The following NRP1 variants were observed in gnomAD, a reference collection of about 807,000 sequenced individuals.
The protein encoded by NRP1 is neuropilin-1.
Under a neutral mutation model 106.7 loss-of-function variants are expected in NRP1, and 35 were observed. The ratio of observed to expected loss-of-function variants is 0.33; its 90% CI spans 0.25 to 0.43. The LOEUF (loss-of-function observed/expected upper bound fraction) is 0.43, where lower values mean the gene tolerates loss of function less well. NRP1 is among the 20% of genes least tolerant of loss of function. NRP1 has a pLI of 1.00. For synonymous variants in NRP1, 437 were observed against 417.9 expected, an observed-to-expected ratio of 1.05 and a Z score of -0.56; for missense variants, 1,024 against 1,170.4, an observed-to-expected ratio of 0.87 and a Z score of 1.83.
intron 1 of NRP1, among the ~76,000 whole-genome samples, chr10:33,334,032 C>G (rs1848456328): frequency 6.6e-6 from 1 of 152,196 alleles, no homozygotes; most frequent in African/African-American, 2.4e-5. Context: ...AATTGGCATG[C>G]TGATCTGGGA....
intron 2 of NRP1, among the ~76,000 whole-genome samples, chr10:33,325,128 T>C (rs1847796833): frequency 6.6e-6 from 1 of 152,212 alleles, no homozygotes; most frequent in Admixed American, 6.5e-5. Context: ...TTGCAAAATT[T>C]TATCAAATCT....
chr10:33,190,041 T>C lies in NRP1; in HGVS notation c.2062+2240A>G, dbSNP rs140164476. 2.1e-3 allele frequency among the ~76,000 whole-genome samples: 319 copies of C among 152,358 alleles called. 3 individuals carry two copies. The highest frequency in any genetic ancestry group is 2.8e-3 in the Non-Finnish European group (191 of 68,032). On this transcript the variant is annotated intron_variant, in intron 13 of 16. Transcript: ENST00000374867. ...AGAGAACAAAAGAGTCAAACCCTTCTGAAGGAATCGCACTTCTCAGCTGTT... is the reference window on the plus strand; with the variant it reads ...AGAGAACAAAAGAGTCAAACCCTTCCGAAGGAATCGCACTTCTCAGCTGTT...
At chr10:33,189,459 C>A (rs1374025259) in intron 13 of NRP1, among the ~76,000 whole-genome samples, 1 of 152,238 alleles carries the variant, frequency 6.6e-6, no homozygotes, top group African/African-American at 2.4e-5. Context: ...GAAGCCCTCA[C>A]TGAACTGCAC....
chr10:33,260,534 T>C (rs1842500846), intron 4 of NRP1, among the ~76,000 whole-genome samples: 1 of 152,212 alleles, frequency 6.6e-6, no homozygotes, highest in Non-Finnish European at 1.5e-5. Context: ...AGCACCGATG[T>C]GACGTGAGCT....
At position 33,226,292 on chromosome 10, in the gene NRP1, G is replaced by A. The variant is rs989608879; in HGVS notation, c.982-3C>T. On this transcript the variant is annotated splice_region_variant and splice_polypyrimidine_tract_variant and intron_variant, in intron 6 of 16. Coordinates refer to ENST00000374867, the MANE Select transcript of NRP1 (RefSeq NM_003873.7). ...AAGCGCAGAAGGCCCAAGTCTACCT[G>A]CAAGACAAGTACAAGCGTGGTCAGT... 4 of 1,613,914 alleles carry A rather than the reference G, an allele frequency of 2.5e-6. No homozygotes were observed. In the African/African-American group the frequency reaches 5.3e-5, roughly 22 times the overall value.
At position 33,236,084 on chromosome 10, in the gene NRP1, T is replaced by C. The variant is rs116815821; in HGVS notation, c.982-9795A>G. Among the ~76,000 whole-genome samples the C allele has an allele frequency of 1.0e-3, 156 of 152,336 alleles. 1 individual carries two copies. The highest frequency in any genetic ancestry group is 3.6e-3 in the African/African-American group (149 of 41,580). On this transcript the variant is annotated intron_variant, in intron 6 of 16. Transcript: ENST00000374867. ...TTAATTAACATTTTTTGAATGCTTATTTGTAAGTTACATTTAATTTAAAAC... is the reference window on the plus strand; with the variant it reads ...TTAATTAACATTTTTTGAATGCTTACTTGTAAGTTACATTTAATTTAAAAC...
At chr10:33,188,133 T>C (rs1302984364) in intron 13 of NRP1, among the ~76,000 whole-genome samples, 1 of 152,136 alleles carries the variant, frequency 6.6e-6, no homozygotes, top group Non-Finnish European at 1.5e-5. Context: ...GCCATTTCAC[T>C]GTGATGAATC....
chr10:33,200,252 C>T (rs1031153937), intron 11 of NRP1, among the ~76,000 whole-genome samples: 8 of 152,312 alleles, frequency 5.3e-5, no homozygotes, highest in Middle Eastern at 3.4e-3. Flanking sequence ...GTTGGGTACA[C>T]ACAGCTCCAA....
intron 2 of NRP1, among the ~76,000 whole-genome samples, chr10:33,280,613 G>A (rs573131865): frequency 1.3e-5 from 2 of 152,262 alleles, no homozygotes; most frequent in South Asian, 2.1e-4. Flanking sequence ...GATAAAGGAG[G>A]CATTTTGTAC....
rs927267066 is a variant in NRP1 at position 33,222,000 on chromosome 10, G to A, written c.1138-137C>T. 50 of 861,484 alleles carry A rather than the reference G, an allele frequency of 5.8e-5. No individual in the cohort carries two copies. The East Asian group carries it at 9.4e-4, about 16-fold the overall frequency. 53.4% of individuals were successfully genotyped at this position (861,484 alleles called of 1,614,324 possible). A position where few individuals can be genotyped will look rare whatever the true frequency, so the allele number is the denominator to read the frequency against. Reference sequence around the variant, plus strand: ...AAGGATGAGATGGCGTTAATAACTCGCCATGTTAATTTTTTCAATTAGCAA... The same window carrying A: ...AAGGATGAGATGGCGTTAATAACTCACCATGTTAATTTTTTCAATTAGCAA... On this transcript the variant is annotated intron_variant, in intron 7 of 16. Transcript: ENST00000374867.
chr10:33,202,435 C>T (rs569695952), intron 11 of NRP1: 6 of 547,242 alleles, frequency 1.1e-5, no homozygotes, highest in South Asian at 1.1e-4. Context: ...ACTTAAAAGC[C>T]GCACTTCAAA....
At chr10:33,191,497 C>G (rs1031729349) in intron 13 of NRP1, among the ~76,000 whole-genome samples, 1 of 152,132 alleles carries the variant, frequency 6.6e-6, no homozygotes, top group Non-Finnish European at 1.5e-5. Flanking sequence ...GTAAAATAAA[C>G]GAGGGGACAT....
intron 8 of NRP1, among the ~76,000 whole-genome samples, chr10:33,219,548 A>G (rs1408324205): frequency 1.3e-5 from 2 of 152,266 alleles, no homozygotes; most frequent in African/African-American, 4.8e-5. Context: ...TTAATTATGT[A>G]TGAAAATATT....
chr10:33,302,273 C>T (rs1845855057), intron 2 of NRP1, among the ~76,000 whole-genome samples: 2 of 152,202 alleles, frequency 1.3e-5, no homozygotes, highest in Non-Finnish European at 2.9e-5. Flanking sequence ...AGAATTCCTT[C>T]TTATGTTGTT....
chr10:33,273,086 G>A (rs1450022351), intron 2 of NRP1, among the ~76,000 whole-genome samples: 1 of 119,854 alleles, frequency 8.3e-6, no homozygotes, highest in African/African-American at 3.2e-5. Context: ...GTATGTGTGG[G>A]GTGGTGAGTG....
rs1377315653 is a variant in NRP1 at position 33,187,023 on chromosome 10, A to G, written c.2063-535T>C. On this transcript the variant is annotated intron_variant, in intron 13 of 16. Transcript: ENST00000374867. ...CGGGCCCATGCCACCATGCTCAGCT[A>G]GTTCTTAAAAAGATTAATTTTTTTT... Among the ~76,000 whole-genome samples, 3 of 151,588 alleles carry G rather than the reference A, an allele frequency of 2.0e-5. No homozygotes were observed. The East Asian group carries it at 5.8e-4, about 29-fold the overall frequency.
At chr10:33,229,836 A>G (rs1334712629) in intron 6 of NRP1, among the ~76,000 whole-genome samples, 1 of 152,114 alleles carries the variant, frequency 6.6e-6, no homozygotes, top group African/African-American at 2.4e-5. Flanking sequence ...TTTTTTCTCA[A>G]CAGCAATGAA....
At chr10:33,265,224 C>T (rs962433134) in intron 3 of NRP1, among the ~76,000 whole-genome samples, 4 of 152,218 alleles carry the variant, frequency 2.6e-5, no homozygotes, top group Non-Finnish European at 5.9e-5. Flanking sequence ...CTGCTATGAT[C>T]TTCAAATAGC....
chr10:33,200,643 T>C (rs1436062357), intron 11 of NRP1, among the ~76,000 whole-genome samples: 1 of 152,166 alleles, frequency 6.6e-6, no homozygotes, highest in East Asian at 1.9e-4. Context: ...ACATCCACGT[T>C]TGTAGTCCTG....
Sources: gnomAD v4.1 joint callset for allele counts (sites outside exome capture counted in the v4.1 genomes callset) on GRCh38, gnomAD v4.1.1 for gene constraint, MANE v1.5 for transcripts, NCBI Gene and HGNC (gene_info 2026-07-23, HGNC 2026-07-21) for gene names.